TTBK2: variants seen among roughly 807,000 people sequenced by gnomAD.
The protein encoded by TTBK2 is tau-tubulin kinase 2.
In TTBK2, 28 loss-of-function variants were observed where a neutral mutation model predicts 110.8. That is an observed-to-expected ratio of 0.25 (90% CI 0.19 to 0.35). The LOEUF (loss-of-function observed/expected upper bound fraction) is 0.35. TTBK2 is among the 10% of genes least tolerant of loss of function. The pLI, the probability that TTBK2 is intolerant of heterozygous loss-of-function variation, is 1.00. For missense variants in TTBK2, 1,369 were observed against 1,500.3 expected, an observed-to-expected ratio of 0.91 and a Z score of 1.45; for synonymous variants, 532 against 527.3, an observed-to-expected ratio of 1.01 and a Z score of -0.12.
intron 11 of TTBK2, 130 bp downstream of exon 11, chr15:42,783,289 G>A (rs950050669): frequency 1.2e-5 from 10 of 820,500 alleles, no homozygotes; most frequent in Non-Finnish European, 1.6e-5. Flanking sequence ...TCTACCACAT[G>A]AGGACTCAGC....
At chr15:42,854,910 G>A (rs578240794) in intron 3 of TTBK2, among the ~76,000 whole-genome samples, 13 of 152,214 alleles carry the variant, frequency 8.5e-5, no homozygotes, top group African/African-American at 3.1e-4. Flanking sequence ...AATGGAATAG[G>A]TATGTTATCC....
At chr15:42,838,285 T>C (rs887807608) in intron 4 of TTBK2, among the ~76,000 whole-genome samples, 2 of 152,024 alleles carry the variant, frequency 1.3e-5, no homozygotes, top group Admixed American at 1.3e-4. Context: ...ATACTGAGAA[T>C]TCTAGATCTA....
At chr15:42,907,205 G>C (rs2030452773) in intron 1 of TTBK2, among the ~76,000 whole-genome samples, 1 of 152,112 alleles carries the variant, frequency 6.6e-6, no homozygotes, top group Admixed American at 6.5e-5. Flanking sequence ...TATGGAGAAA[G>C]GGAAACGCTC....
chr15:42,886,969 T>C (rs1308824007), intron 1 of TTBK2, among the ~76,000 whole-genome samples: 1 of 152,212 alleles, frequency 6.6e-6, no homozygotes. Flanking sequence ...GAAGACACAC[T>C]GCCCAATCTC....
Position 42,817,067 on chromosome 15 carries a change from C to T in TTBK2, c.568G>A (p.Val190Ile), listed in dbSNP as rs761860522. ...PRAVAGFRGTVRYASINAHRN... is the reference protein window; with the variant it reads ...PRAVAGFRGTIRYASINAHRN... The stretch of plus-strand genomic sequence containing the variant: ...TGTGCGTTGATTGATGCATAACGAA[C>T]TGTCCCTCGAAAACCTGCCACAGCT... Residue 190 changes from valine to isoleucine, a missense_variant, in exon 7 of 15, where the codon GTT (valine) becomes ATT (isoleucine). Coordinates refer to ENST00000267890, the MANE Select transcript of TTBK2 (RefSeq NM_173500.4). The T allele has an allele frequency of 8.1e-6, 13 of 1,608,196 alleles. No homozygotes were observed. In the African/African-American group the frequency reaches 1.3e-4, roughly 17 times the overall value.
chr15:42,752,457 C>T lies in TTBK2; in HGVS notation c.2789G>A (p.Arg930Gln), dbSNP rs767042342. The change falls in exon 14 of 15, where the codon CGG (arginine) becomes CAG (glutamine). Residue 930 changes from arginine (R) to glutamine (Q), a missense_variant. Arg to Gln is a conservative substitution (Grantham distance 43). This residue lies in a region of TTBK2 where 1,097 missense variants were observed against 1,114.7 expected (regional missense o/e 0.98). Coordinates refer to ENST00000267890, the MANE Select transcript of TTBK2 (RefSeq NM_173500.4). ...VSENEHGAPT[R>Q]KDMVRSSFVT... ...AAAGGATGACCTAACCATATCCTTC[C>T]GGGTTGGGGCACCATGTTCATTCTC... 55 of 1,614,002 alleles carry T rather than the reference C, an allele frequency of 3.4e-5. No individual in the cohort carries two copies. In the Admixed American group the frequency reaches 4.5e-4, roughly 13 times the overall value.
chr15:42,781,709 GA>G (rs1890185990), intron 11 of TTBK2, among the ~76,000 whole-genome samples: 1 of 151,992 alleles, frequency 6.6e-6, no homozygotes, highest in African/African-American at 2.4e-5. Context: ...TTATGTCACT[GA>G]TTACTAGATT....
At chr15:42,867,563 G>A (rs183476639) in intron 3 of TTBK2, among the ~76,000 whole-genome samples, 1 of 152,158 alleles carries the variant, frequency 6.6e-6, no homozygotes, top group East Asian at 1.9e-4. Context: ...TATACAGATG[G>A]CAAATAAGCA....
chr15:42,760,825 C>T (rs540474263), intron 13 of TTBK2, among the ~76,000 whole-genome samples: 1 of 152,056 alleles, frequency 6.6e-6, no homozygotes, highest in Middle Eastern at 3.2e-3. Flanking sequence ...ACATTTTTTG[C>T]AGAAATAGAA....
chr15:42,789,790 T>C (rs1567024437), intron 10 of TTBK2, among the ~76,000 whole-genome samples: 2 of 151,924 alleles, frequency 1.3e-5, no homozygotes, highest in Non-Finnish European at 2.9e-5. Flanking sequence ...TGTGTGTGTG[T>C]GTAAGTATTT....
Position 42,746,050 on chromosome 15 carries a change from C to T in TTBK2, c.3480G>A (p.Leu1160=), listed in dbSNP as rs1187345928. ...ATGGTGAGGAACTAGACGTGCGAGG[C>T]AAGGATGAGCTTCGAGGAGAGGCAC... ...SPSASPRSSS[L]PRTSSSSPSR... The change falls in exon 15 of 15, where the codon TTG becomes TTA. Residue 1160 remains leucine, a synonymous_variant. Transcript: ENST00000267890. 7 of 1,613,928 alleles carry T rather than the reference C, an allele frequency of 4.3e-6. No individual in the cohort carries two copies. Among genetic ancestry groups the T allele is most frequent in the African/African-American group, 2.7e-5 (2 of 74,860 alleles).
intron 2 of TTBK2, among the ~76,000 whole-genome samples, chr15:42,878,120 G>A (rs1894887270): frequency 6.8e-6 from 1 of 147,966 alleles, no homozygotes; most frequent in African/African-American, 2.5e-5. Context: ...GACTACAGGC[G>A]CCTGCACCAC....
intron 3 of TTBK2, chr15:42,871,602 T>C (rs572127228): frequency 2.4e-4 from 232 of 985,172 alleles, no homozygotes; most frequent in Non-Finnish European, 2.7e-4. Flanking sequence ...TGTACCTGTT[T>C]GTAGCCTCTA....
chr15:42,841,750 T>C (rs1331501275), intron 3 of TTBK2, among the ~76,000 whole-genome samples: 2 of 152,146 alleles, frequency 1.3e-5, no homozygotes, highest in Non-Finnish European at 2.9e-5. Flanking sequence ...TAAAATAAGA[T>C]AAATCTGACC....
chr15:42,770,883 T>C (rs1268498792), intron 13 of TTBK2, among the ~76,000 whole-genome samples: 1 of 152,200 alleles, frequency 6.6e-6, no homozygotes, highest in Non-Finnish European at 1.5e-5. Flanking sequence ...CCATGAGCTT[T>C]CACACAGTCA....
intron 9 of TTBK2, chr15:42,802,290 G>A: frequency 1.3e-6 from 1 of 791,482 alleles, no homozygotes; most frequent in African/African-American, 1.7e-5. Context: ...TGCCCATTCG[G>A]GAGAAGCTCG....
chr15:42,754,291 G>C (rs2061911556), intron 13 of TTBK2, among the ~76,000 whole-genome samples: 1 of 152,020 alleles, frequency 6.6e-6, no homozygotes, highest in African/African-American at 2.4e-5. Flanking sequence ...CTGTTGCCCA[G>C]GCTGGTCTCG....
At chr15:42,918,843 A>G (rs2031223622) in intron 1 of TTBK2, among the ~76,000 whole-genome samples, 1 of 152,240 alleles carries the variant, frequency 6.6e-6, no homozygotes. Flanking sequence ...ATATAATGCA[A>G]TAGAGAATTT....
At position 42,745,844 on chromosome 15, in the gene TTBK2, G is replaced by C; in HGVS notation, c.3686C>G (p.Thr1229Ser). Residue 1229 changes from threonine (T) to serine (S), a missense_variant, in exon 15 of 15, where the codon ACT becomes AGT. Physicochemically the swap from Thr to Ser is moderately conservative, Grantham distance 58. This residue lies in a region of TTBK2 where 1,097 missense variants were observed against 1,114.7 expected (regional missense o/e 0.98). Transcript: ENST00000267890. Reference sequence around the variant, plus strand: ...CTTACTCTTCCCTTGGGGGGTTTTAGTGCTGGCTGAGTGGTGGTGGAGGCT... The same window carrying C: ...CTTACTCTTCCCTTGGGGGGTTTTACTGCTGGCTGAGTGGTGGTGGAGGCT... ...SGSLHHHSAS[T>S]KTPQGKSKPA... 6.2e-7 allele frequency: 1 copy of C among 1,614,156 alleles called. No homozygotes were observed. Among genetic ancestry groups the C allele is most frequent in the Non-Finnish European group, 8.5e-7 (1 of 1,180,030 alleles).
Sources: gnomAD v4.1 joint callset for allele counts (sites outside exome capture counted in the v4.1 genomes callset) on GRCh38, gnomAD v4.1.1 for gene constraint, gnomAD v4.1.1 regional missense constraint, MANE v1.5 for transcripts, NCBI Gene and HGNC (gene_info 2026-07-23, HGNC 2026-07-21) for gene names.